CPQ: variants seen among roughly 807,000 people sequenced by gnomAD.
CPQ encodes the protein carboxypeptidase Q, also known as Ser-Met dipeptidase.
CPQ carries 37 observed loss-of-function variants against 45.7 expected under a neutral mutation model. The observed-to-expected ratio is 0.81, with a 90% CI of 0.62 to 1.07. The LOEUF is 1.07. Ranked by LOEUF, CPQ falls within the 50% of genes least tolerant of loss-of-function variation. CPQ has a pLI of 0.00. For synonymous variants in CPQ, 186 were observed against 205.8 expected (o/e 0.90, Z 0.82); for missense variants, 537 against 572.9 (o/e 0.94, Z 0.64).
chr8:97,100,389 G>C (rs1312216936), intron 7 of CPQ, among the ~76,000 whole-genome samples: 1 of 152,090 alleles, frequency 6.6e-6, no homozygotes, highest in East Asian at 1.9e-4. Flanking sequence ...GAGAGGAGCG[G>C]GCAAACCAGG....
intron 1 of CPQ, among the ~76,000 whole-genome samples, chr8:96,707,167 A>G (rs990309718): frequency 4.6e-5 from 7 of 152,288 alleles, no homozygotes; most frequent in Admixed American, 2.0e-4. Context: ...GTGCAGAGAC[A>G]ATGAAGAAAC....
intron 4 of CPQ, among the ~76,000 whole-genome samples, chr8:96,958,440 G>A (rs528040263): frequency 8.7e-6 from 1 of 115,366 alleles, no homozygotes; most frequent in South Asian, 2.7e-4. Context: ...CAAATACATG[G>A]TTCTTCTACT....
intron 7 of CPQ, among the ~76,000 whole-genome samples, chr8:97,137,091 T>A (rs754863343): frequency 1.3e-5 from 2 of 152,178 alleles, no homozygotes; most frequent in Non-Finnish European, 2.9e-5. Context: ...ATAGAACACG[T>A]TTTGGAGTTG....
chr8:96,769,122 G>A lies in CPQ; in HGVS notation c.-34-15742G>A, dbSNP rs116870158. 3.9e-4 allele frequency among the ~76,000 whole-genome samples: 60 copies of A among 152,278 alleles called. No individual in the cohort carries two copies. The East Asian group carries it at 0.011, about 28-fold the overall frequency. On this transcript the variant is annotated intron_variant, in intron 1 of 7. Transcript: ENST00000220763. ...ATATTCTCTCCCCTGTCTCTGGAAA[G>A]GCTACTGTGCCTTGTAATAGCTTTT...
chr8:96,667,677 G>A (rs568164098), intron 1 of CPQ, among the ~76,000 whole-genome samples: 11 of 151,850 alleles, frequency 7.2e-5, no homozygotes, highest in Admixed American at 6.6e-4. Flanking sequence ...GAACCTCTCC[G>A]TCGCCACACT....
chr8:96,763,404 A>G (rs1471008895), intron 1 of CPQ, among the ~76,000 whole-genome samples: 9 of 152,122 alleles, frequency 5.9e-5, no homozygotes, highest in Non-Finnish European at 1.3e-4. Flanking sequence ...CCATATAAAT[A>G]TGGGTTGATT....
intron 3 of CPQ, among the ~76,000 whole-genome samples, chr8:96,851,987 G>A (rs527731398): frequency 6.6e-6 from 1 of 152,340 alleles, no homozygotes; most frequent in Admixed American, 6.5e-5. Flanking sequence ...AAGGCAAAAG[G>A]CACAGGCAGT....
At chr8:96,999,026 CACTT>C (rs959413378) in intron 5 of CPQ, among the ~76,000 whole-genome samples, 1 of 151,916 alleles carries the variant, frequency 6.6e-6, no homozygotes, top group Non-Finnish European at 1.5e-5. Context: ...AGATTTTTCT[CACTT>C]AACCCTCACA....
intron 7 of CPQ, among the ~76,000 whole-genome samples, chr8:97,114,667 C>A (rs758804731): frequency 6.6e-6 from 1 of 152,176 alleles, no homozygotes; most frequent in South Asian, 2.1e-4. Flanking sequence ...CCTAGACTCA[C>A]CACGGTCTTG....
intron 5 of CPQ, among the ~76,000 whole-genome samples, chr8:96,996,662 T>C (rs1809183585): frequency 6.6e-6 from 1 of 152,090 alleles, no homozygotes; most frequent in African/African-American, 2.4e-5. Flanking sequence ...TTTAATTCAG[T>C]ACCTTTACAA....
At chr8:96,993,030 A>T (rs993876808) in intron 5 of CPQ, among the ~76,000 whole-genome samples, 4 of 152,210 alleles carry the variant, frequency 2.6e-5, no homozygotes, top group Non-Finnish European at 5.9e-5. Context: ...CTGACAATAC[A>T]TCATCCCTGG....
chr8:96,734,057 T>C lies in CPQ; in HGVS notation c.-34-50807T>C, dbSNP rs554198459. Among the ~76,000 whole-genome samples, 11 of 152,342 alleles carry C rather than the reference T, an allele frequency of 7.2e-5. 1 individual carries two copies. In the South Asian group the frequency reaches 2.3e-3, roughly 32 times the overall value. ...TTAAAGGCAGAACATGGTAGACCTC[T>C]AAGAGGCATTAATTACAGTGCGCAC... is the stretch of plus-strand genomic sequence containing the variant. On this transcript the variant is annotated intron_variant, in intron 1 of 7. Coordinates refer to ENST00000220763, the MANE Select transcript of CPQ (RefSeq NM_016134.4).
At chr8:96,800,870 C>T (rs1391559524) in intron 2 of CPQ, among the ~76,000 whole-genome samples, 3 of 151,518 alleles carry the variant, frequency 2.0e-5, no homozygotes, top group African/African-American at 7.3e-5. Flanking sequence ...TAAAAGAGAA[C>T]AAATAGTTTT....
intron 2 of CPQ, among the ~76,000 whole-genome samples, chr8:96,807,110 A>G (rs75768799): frequency 1.0e-3 from 157 of 152,350 alleles, no homozygotes; most frequent in African/African-American, 3.7e-3. Context: ...GGAAATAAGG[A>G]CAGAGGAAAT....
chr8:96,871,302 T>A (rs1274567689), intron 3 of CPQ, among the ~76,000 whole-genome samples: 1 of 152,054 alleles, frequency 6.6e-6, no homozygotes, highest in African/African-American at 2.4e-5. Flanking sequence ...AATACACATG[T>A]GATTGATATC....
At chr8:97,041,036 T>C (rs910767372) in intron 6 of CPQ, among the ~76,000 whole-genome samples, 12 of 152,226 alleles carry the variant, frequency 7.9e-5, no homozygotes, top group Non-Finnish European at 4.4e-5. Context: ...CATTGGTAGC[T>C]TGATGGGGAT....
At chr8:97,006,776 T>C (rs2130433108) in intron 5 of CPQ, among the ~76,000 whole-genome samples, 1 of 152,290 alleles carries the variant, frequency 6.6e-6, no homozygotes, top group Non-Finnish European at 1.5e-5. Context: ...GGAACCGACT[T>C]ATCTGGTCAC....
At chr8:96,740,701 T>TA (rs1201695982) in intron 1 of CPQ, among the ~76,000 whole-genome samples, 4 of 152,164 alleles carry the variant, frequency 2.6e-5, no homozygotes, top group African/African-American at 9.7e-5. Flanking sequence ...AAAGGCCTTT[T>TA]ATGCATCTAT....
intron 1 of CPQ, among the ~76,000 whole-genome samples, chr8:96,691,029 T>C (rs1809297673): frequency 6.9e-6 from 1 of 145,280 alleles, no homozygotes; most frequent in Non-Finnish European, 1.5e-5. Context: ...TGTACAGAAA[T>C]TGGTTGTATT....
Sources: allele counts gnomAD v4.1 joint callset (sites outside exome capture counted in the v4.1 genomes callset), GRCh38; gene constraint gnomAD v4.1.1; transcripts MANE v1.5; gene names NCBI Gene and HGNC (gene_info 2026-07-23, HGNC 2026-07-21).